The following PANX1 variants were observed in gnomAD, a reference collection of about 807,000 sequenced individuals.
The protein encoded by PANX1 is pannexin-1.
Under a neutral mutation model 38.7 loss-of-function variants are expected in PANX1, and 30 were observed. The observed-to-expected ratio is 0.78, with a 90% CI of 0.58 to 1.05. The LOEUF (loss-of-function observed/expected upper bound fraction) is 1.05, where lower values mean the gene tolerates loss of function less well. PANX1 is among the 50% of genes least tolerant of loss of function. The pLI is 0.00. For missense variants in PANX1, 551 were observed against 517.2 expected (o/e 1.07, Z -0.63); for synonymous variants, 230 against 212.2 (o/e 1.08, Z -0.73).
intron 1 of PANX1, among the ~76,000 whole-genome samples, chr11:94,130,533 C>G (rs1362912804): frequency 2.5e-5 from 1 of 40,040 alleles, no homozygotes; most frequent in Non-Finnish European, 4.6e-5. Flanking sequence ...ATTGTTTGAG[C>G]AGAGGACAGA....
intron 1 of PANX1, among the ~76,000 whole-genome samples, chr11:94,143,019 CTT>C (rs1455292367): frequency 6.6e-6 from 1 of 152,222 alleles, no homozygotes; most frequent in Admixed American, 6.5e-5. Context: ...TTAGAATGCC[CTT>C]GTTTGCAAAG....
rs1032216501 is a variant in PANX1 at position 94,129,157 on chromosome 11, C to G, written c.-156C>G. ...AGAGCCCAGCGGAGTCGCTGGGAGC[C>G]TGAGGCACCGAGACACAAAGGCAGG... On this transcript the variant is annotated 5_prime_UTR_variant, in exon 1 of 5. Coordinates refer to ENST00000227638, the MANE Select transcript of PANX1 (RefSeq NM_015368.4). The G allele has an allele frequency of 2.8e-4, 161 of 572,238 alleles. 1 individual carries two copies. Among genetic ancestry groups the G allele is most frequent in the Admixed American group, 4.5e-4 (13 of 29,088 alleles). 35.4% of individuals were successfully genotyped at this position (572,238 alleles called of 1,614,324 possible). A position where few individuals can be genotyped will look rare whatever the true frequency, so the allele number is the denominator to read the frequency against.
chr11:94,171,350 G>T (rs1947164469), intron 2 of PANX1, among the ~76,000 whole-genome samples: 1 of 151,674 alleles, frequency 6.6e-6, no homozygotes, highest in Non-Finnish European at 1.5e-5. Context: ...ATGGAAGCTT[G>T]ACATGAAAAT....
chr11:94,168,871 A>G (rs1947132414), intron 2 of PANX1, among the ~76,000 whole-genome samples: 1 of 151,682 alleles, frequency 6.6e-6, no homozygotes, highest in Non-Finnish European at 1.5e-5. Context: ...TACGGAAGTA[A>G]CAAGATGTGC....
At chr11:94,159,423 T>A (rs892864732) in intron 2 of PANX1, among the ~76,000 whole-genome samples, 5 of 152,202 alleles carry the variant, frequency 3.3e-5, no homozygotes, top group Non-Finnish European at 7.3e-5. Flanking sequence ...TTTGCCTCAA[T>A]TTCAGAGCCT....
rs370220639 is a variant in PANX1 at position 94,134,827 on chromosome 11, G to A, written c.181+5334G>A. Among the ~76,000 whole-genome samples the A allele has an allele frequency of 4.9e-3, 743 of 152,242 alleles. 3 individuals carry two copies. Among genetic ancestry groups the A allele is most frequent in the Non-Finnish European group, 8.9e-3 (602 of 68,004 alleles). ...AGGAAAAGAGCTCTCACCAGACACC[G>A]AATCTGCTGGTACCTTGATCTTGAA... On this transcript the variant is annotated intron_variant, in intron 1 of 4. Coordinates refer to ENST00000227638, the MANE Select transcript of PANX1 (RefSeq NM_015368.4).
chr11:94,148,482 C>G (rs566473281), intron 1 of PANX1, among the ~76,000 whole-genome samples: 7 of 152,268 alleles, frequency 4.6e-5, no homozygotes, highest in African/African-American at 1.7e-4. Flanking sequence ...TGTTGGTGTT[C>G]TGGGTTTGTT....
At chr11:94,142,601 G>A (rs1489817450) in intron 1 of PANX1, among the ~76,000 whole-genome samples, 2 of 152,212 alleles carry the variant, frequency 1.3e-5, no homozygotes, top group Admixed American at 6.5e-5. Context: ...TCATGGTTCA[G>A]TCATTACCCT....
chr11:94,129,074 C>T lies in PANX1; in HGVS notation c.-239C>T, dbSNP rs1168193446. On this transcript the variant is annotated 5_prime_UTR_variant, in exon 1 of 5. Coordinates refer to ENST00000227638, the MANE Select transcript of PANX1 (RefSeq NM_015368.4). ...GCGTGCGGGGTGGAACCGCAGGAAG[C>T]GGAGCTCTCGGGTTCCCGCCCCGCC... 7.6e-6 allele frequency: 3 copies of T among 397,296 alleles called. No homozygotes were observed. The highest frequency in any genetic ancestry group is 1.3e-5 in the Non-Finnish European group (3 of 227,926). The allele number at this position is 397,296 out of a possible 1,614,324, so 24.6% of individuals were successfully genotyped here.
At chr11:94,137,708 A>G (rs1467428542) in intron 1 of PANX1, among the ~76,000 whole-genome samples, 1 of 151,258 alleles carries the variant, frequency 6.6e-6, no homozygotes, top group Non-Finnish European at 1.5e-5. Context: ...GTTGTTTTTT[A>G]ATAAATTCTC....
intron 1 of PANX1, among the ~76,000 whole-genome samples, chr11:94,147,837 C>G (rs962727310): frequency 2.0e-5 from 3 of 152,166 alleles, no homozygotes; most frequent in Non-Finnish European, 4.4e-5. Context: ...GTTGGACTCA[C>G]AGGGGCAAAC....
chr11:94,150,239 T>G (rs1946869328), intron 1 of PANX1, among the ~76,000 whole-genome samples: 1 of 152,126 alleles, frequency 6.6e-6, no homozygotes, highest in Admixed American at 6.5e-5. Context: ...GCCACAGCCT[T>G]CATTGAGTTG....
intron 1 of PANX1, among the ~76,000 whole-genome samples, chr11:94,132,985 T>G (rs1422562088): frequency 6.6e-6 from 1 of 152,238 alleles, no homozygotes; most frequent in Admixed American, 6.5e-5. Context: ...AATACTTGGC[T>G]TCATATTAAA....
chr11:94,155,762 A>AC (rs1405745378), intron 2 of PANX1, among the ~76,000 whole-genome samples: 5 of 152,268 alleles, frequency 3.3e-5, no homozygotes, highest in African/African-American at 1.2e-4. Context: ...TCAAGCGTCA[A>AC]CTGTACTGCT....
At chr11:94,144,491 C>T (rs1411275414) in intron 1 of PANX1, among the ~76,000 whole-genome samples, 7 of 152,136 alleles carry the variant, frequency 4.6e-5, no homozygotes, top group Admixed American at 3.9e-4. Context: ...CTTTCTGACT[C>T]CACACAGAGT....
At chr11:94,153,272 A>G (rs1157129627) in intron 1 of PANX1, among the ~76,000 whole-genome samples, 1 of 151,988 alleles carries the variant, frequency 6.6e-6, no homozygotes, top group Non-Finnish European at 1.5e-5. Context: ...ATTTTTCCCC[A>G]ACTGAGGCCA....
At chr11:94,138,175 C>T (rs537280575) in intron 1 of PANX1, among the ~76,000 whole-genome samples, 2 of 152,190 alleles carry the variant, frequency 1.3e-5, no homozygotes, top group Admixed American at 6.5e-5. Flanking sequence ...TACTTCTCCC[C>T]GCAGCTGAAG....
At chr11:94,153,183 C>T (rs183133394) in intron 1 of PANX1, among the ~76,000 whole-genome samples, 13 of 152,310 alleles carry the variant, frequency 8.5e-5, no homozygotes, top group African/African-American at 2.4e-4. Flanking sequence ...GGTCTCTCCA[C>T]GCTTGCCTCT....
At chr11:94,144,214 CTCT>C (rs139128427) in intron 1 of PANX1, among the ~76,000 whole-genome samples, 1,814 of 152,134 alleles carry the variant, frequency 0.012, 44 homozygotes, top group African/African-American at 0.042. Flanking sequence ...AAGTCAATCC[CTCT>C]TCTTCTCCCT....
Sources: gnomAD v4.1 joint callset for allele counts (sites outside exome capture counted in the v4.1 genomes callset) on GRCh38, gnomAD v4.1.1 for gene constraint, MANE v1.5 for transcripts, NCBI Gene and HGNC (gene_info 2026-07-23, HGNC 2026-07-21) for gene names.